Variants in NCOR2 observed in about 807,000 individuals in gnomAD.
The protein encoded by NCOR2 is CTG repeat protein 26.
Under a neutral mutation model 262.9 loss-of-function variants are expected in NCOR2, and 81 were observed. The observed-to-expected ratio is 0.31, with a 90% CI of 0.26 to 0.37. The LOEUF (loss-of-function observed/expected upper bound fraction) is 0.37. Ranked by LOEUF, NCOR2 falls within the 10% of genes least tolerant of loss-of-function variation. The pLI is 1.00. For synonymous variants in NCOR2, 1,659 were observed against 1,559.3 expected, an observed-to-expected ratio of 1.06 and a Z score of -1.51; for missense variants, 3,385 against 3,621.4, an observed-to-expected ratio of 0.93 and a Z score of 1.68.
chr12:124,433,933 C>A (rs1372280605), intron 8 of NCOR2, among the ~76,000 whole-genome samples: 2 of 145,934 alleles, frequency 1.4e-5, no homozygotes, highest in South Asian at 2.2e-4. Context: ...CTGGAGCCGT[C>A]CCCCTCCCGC....
At position 124,362,034 on chromosome 12, in the gene NCOR2, G is replaced by A. The variant is rs1047296446; in HGVS notation, c.3100+92C>T. Reference sequence around the variant, plus strand: ...TGCTTTCCCTGCCACTGTGGCCATGGGGTTTGCAGCAGCTGCTCTAGACAC... The same window carrying A: ...TGCTTTCCCTGCCACTGTGGCCATGAGGTTTGCAGCAGCTGCTCTAGACAC... On this transcript the variant is annotated intron_variant, in intron 22 of 46. Coordinates refer to ENST00000405201, the Ensembl canonical transcript of NCOR2. The A allele has an allele frequency of 3.5e-6, 4 of 1,138,534 alleles. No homozygotes were observed. The African/African-American group carries it at 6.4e-5, about 18-fold the overall frequency. The allele number at this position is 1,138,534 out of a possible 1,614,324, so 70.5% of individuals were successfully genotyped here.
intron 13 of NCOR2, among the ~76,000 whole-genome samples, chr12:124,416,447 A>G (rs1228554929): frequency 6.6e-6 from 1 of 151,790 alleles, no homozygotes; most frequent in African/African-American, 2.4e-5. Context: ...CTGCTCCTCA[A>G]CCTCATCTTT....
intron 1 of NCOR2, among the ~76,000 whole-genome samples, chr12:124,555,604 C>T (rs569084488): frequency 6.6e-6 from 1 of 152,324 alleles, no homozygotes; most frequent in South Asian, 2.1e-4. Context: ...GCTGAAGAAA[C>T]GCAGAGGGGC....
chr12:124,464,338 C>A (rs774392817), intron 5 of NCOR2, among the ~76,000 whole-genome samples: 1 of 152,128 alleles, frequency 6.6e-6, no homozygotes. Context: ...TGGAGAGAAC[C>A]GTGTCTGCTC....
At chr12:124,480,860 A>AATGGGGGAGGTGAGTGG (rs1447301086) in intron 3 of NCOR2, among the ~76,000 whole-genome samples, 2 of 50,896 alleles carry the variant, frequency 3.9e-5, no homozygotes, top group Non-Finnish European at 7.7e-5. Context: ...GGAGCAAGGG[A>AATGGGGGAGGTGAGTGG]ATGGGGGAGG....
chr12:124,437,119 TG>T (rs1318673406), intron 8 of NCOR2, among the ~76,000 whole-genome samples: 8 of 147,882 alleles, frequency 5.4e-5, no homozygotes, highest in African/African-American at 2.1e-4. Flanking sequence ...ACAAATAAAA[TG>T]AAATGAAATG....
chr12:124,344,449 G>T, intron 32 of NCOR2, 148 bp downstream of exon 34: 1 of 712,072 alleles, frequency 1.4e-6, no homozygotes, highest in Non-Finnish European at 2.1e-6. Context: ...ATCGGAGGCA[G>T]AGCCCACGGG....
rs1370375267 is a variant in NCOR2, at chr12:124,454,395, G to A, written c.762+2711C>T. Among the ~76,000 whole-genome samples, 5 of 152,092 alleles carry A rather than the reference G, an allele frequency of 3.3e-5. No individual in the cohort carries two copies. Among genetic ancestry groups the A allele is most frequent in the Admixed American group, 6.5e-5 (1 of 15,268 alleles). On this transcript the variant is annotated intron_variant, in intron 6 of 46. Transcript: ENST00000405201. The surrounding 1 kb of genome is among the most constrained non-coding windows in gnomAD (Gnocchi z 5.6). ...AGATCCCCAAGTGGAAGACAACCCC[G>A]TCCCCTTGTCTCCAAAGAACCAGAG...
chr12:124,327,697 C>G (rs1015097276), intron 44 of NCOR2, 64 bp from the exon 47 acceptor site: 6 of 1,186,858 alleles, frequency 5.1e-6, no homozygotes, highest in African/African-American at 4.6e-5. Flanking sequence ...GCCAGAGGGG[C>G]GACAGAGAGA....
chr12:124,480,672 G>A (rs2047403754), intron 3 of NCOR2, among the ~76,000 whole-genome samples: 1 of 151,996 alleles, frequency 6.6e-6, no homozygotes, highest in African/African-American at 2.4e-5. Context: ...GCCCCAGGCT[G>A]GACACACACG....
chr12:124,358,910 A>G (rs2038251729), intron 22 of NCOR2, among the ~76,000 whole-genome samples: 1 of 152,250 alleles, frequency 6.6e-6, no homozygotes, highest in African/African-American at 2.4e-5. Flanking sequence ...GGAAAATGGA[A>G]GCCGAGAGGT....
chr12:124,343,254 G>A, intron 32 of NCOR2, 28 bp from the exon 35 acceptor site: 1 of 1,589,920 alleles, frequency 6.3e-7, no homozygotes, highest in Non-Finnish European at 8.6e-7. Flanking sequence ...GGATGCATCG[G>A]GCCTCTGGGG....
intron 5 of NCOR2, among the ~76,000 whole-genome samples, chr12:124,463,882 C>T (rs557426966): frequency 1.3e-5 from 2 of 152,008 alleles, no homozygotes; most frequent in African/African-American, 4.8e-5. Context: ...GCTGGCCACC[C>T]GCCTCCATCT....
intron 1 of NCOR2, among the ~76,000 whole-genome samples, chr12:124,521,890 T>C (rs1249358738): frequency 6.6e-6 from 1 of 152,146 alleles, no homozygotes; most frequent in African/African-American, 2.4e-5. Context: ...TGGTGGCGCA[T>C]ACCCGTAATT....
At chr12:124,411,293 G>GAA (rs2042572231) in intron 13 of NCOR2, among the ~76,000 whole-genome samples, 1 of 150,980 alleles carries the variant, frequency 6.6e-6, no homozygotes, top group African/African-American at 2.4e-5. Context: ...GAGAGAGAGA[G>GAA]AAACCTAGAA....
At chr12:124,385,919 G>T (rs761650067) in intron 16 of NCOR2, 32 bp from the exon 19 acceptor site, 4 of 1,603,714 alleles carry the variant, frequency 2.5e-6, no homozygotes, top group Non-Finnish European at 3.4e-6. Context: ...GTGAGAAGAG[G>T]CCAGGCCCGG....
At chr12:124,340,839 G>C in intron 34 of NCOR2, 88 bp from the exon 37 acceptor site, 1 of 1,291,564 alleles carries the variant, frequency 7.7e-7, no homozygotes, top group Non-Finnish European at 1.0e-6. Flanking sequence ...TGGAGAGCAC[G>C]GCACACACTC....
chr12:124,333,740 G>T (rs1019412660), intron 41 of NCOR2, among the ~76,000 whole-genome samples: 2 of 152,208 alleles, frequency 1.3e-5, no homozygotes, highest in Admixed American at 1.3e-4. Flanking sequence ...ACCCCCAGAG[G>T]CCCCACGGTT....
Position 124,483,851 on chromosome 12 carries a change from G to A in NCOR2, c.234-78C>T, listed in dbSNP as rs530893197. ...TCCCGAGGCCCCGACCACCCTCTGC[G>A]CCGAGCATCTACTGCGCGCCGTGCT... is the stretch of plus-strand genomic sequence containing the variant. On this transcript the variant is annotated intron_variant, in intron 2 of 46. Coordinates refer to ENST00000405201, the Ensembl canonical transcript of NCOR2. This position sits in a 1 kb window ranked among gnomAD's most constrained non-coding sequence, Gnocchi z 6.3. The A allele has an allele frequency of 4.3e-5, 61 of 1,424,862 alleles. No homozygotes were observed. In the South Asian group the frequency reaches 5.3e-4, roughly 12 times the overall value. 88.3% of individuals were successfully genotyped at this position (1,424,862 alleles called of 1,614,324 possible). A position where few individuals can be genotyped will look rare whatever the true frequency, so the allele number is the denominator to read the frequency against.
Sources: allele counts gnomAD v4.1 joint callset (sites outside exome capture counted in the v4.1 genomes callset), GRCh38; gene constraint gnomAD v4.1.1; non-coding constraint Gnocchi (gnomAD v3.1); transcripts MANE v1.5; gene names NCBI Gene and HGNC (gene_info 2026-07-23, HGNC 2026-07-21).